VPS13B: variants seen among roughly 807,000 people sequenced by gnomAD.
The protein encoded by VPS13B is intermembrane lipid transfer protein VPS13B.
Under a neutral mutation model 426.4 loss-of-function variants are expected in VPS13B, and 285 were observed. The observed-to-expected ratio is 0.67, with a 90% CI of 0.61 to 0.74. The LOEUF (loss-of-function observed/expected upper bound fraction) is 0.74. Among genes scored for constraint, VPS13B ranks in the 30% least tolerant of loss-of-function variants. The probability of loss-of-function intolerance (pLI) is 0.00; values close to 1 mark genes in which losing one functional copy is unlikely to be tolerated. For synonymous variants in VPS13B, 1,676 were observed against 1,676.4 expected (o/e 1.00, Z 0.01); for missense variants, 4,537 against 4,782.6 (o/e 0.95, Z 1.51).
chr8:99,430,709 C>G (rs996311941), intron 21 of VPS13B, among the ~76,000 whole-genome samples: 1 of 151,326 alleles, frequency 6.6e-6, no homozygotes, highest in Admixed American at 6.6e-5. Flanking sequence ...TCCACCCCCC[C>G]CCCAACTTTT....
At chr8:99,806,139 T>C (rs1253750665) in intron 43 of VPS13B, among the ~76,000 whole-genome samples, 5 of 152,232 alleles carry the variant, frequency 3.3e-5, no homozygotes, top group African/African-American at 9.7e-5. Flanking sequence ...AGGGAAGATA[T>C]CAGTGACTAT....
intron 39 of VPS13B, among the ~76,000 whole-genome samples, chr8:99,750,571 G>A (rs1810341512): frequency 6.6e-6 from 1 of 152,096 alleles, no homozygotes; most frequent in African/African-American, 2.4e-5. Flanking sequence ...ACGTGAGCAG[G>A]CTGAAGAGCA....
At chr8:99,284,357 T>A (rs1049939124) in intron 19 of VPS13B, among the ~76,000 whole-genome samples, 12 of 152,176 alleles carry the variant, frequency 7.9e-5, no homozygotes, top group Non-Finnish European at 1.3e-4. Flanking sequence ...ATCTAACAAG[T>A]ATTTATTGCC....
chr8:99,467,637 T>C lies in VPS13B; in HGVS notation c.3666+3T>C. 6.2e-7 allele frequency: 1 copy of C among 1,613,068 alleles called. No homozygotes were observed. The highest frequency in any genetic ancestry group is 8.5e-7 in the Non-Finnish European group (1 of 1,179,220). ...AGATAAAATGCTCTAATCCCCAGGT[T>C]GGTACATTTGATTTATGAAAGGAAA... On this transcript the variant is annotated splice_donor_region_variant and intron_variant, in intron 24 of 61. Transcript: ENST00000357162.
chr8:99,343,230 A>C (rs541914683), intron 19 of VPS13B, among the ~76,000 whole-genome samples: 3 of 151,960 alleles, frequency 2.0e-5, no homozygotes, highest in African/African-American at 7.2e-5. Flanking sequence ...AGTAGCTGGC[A>C]CTACAGGCAC....
rs1816500220 is a variant in VPS13B, at chr8:99,233,970, G to A, written c.2516-40228G>A. ...TTCTCTTTTCTATGGATGTCTACCC[G>A]GGACTGGGTCTGCTCAGTGATGTTC... On this transcript the variant is annotated intron_variant, in intron 17 of 61. Coordinates refer to ENST00000357162, the MANE Select transcript of VPS13B (RefSeq NM_152564.5). The A allele has an allele frequency of 1.8e-5, 14 of 784,048 alleles. 1 individual carries two copies. The highest frequency in any genetic ancestry group is 1.7e-4 in the South Asian group (13 of 74,290). The allele number at this position is 784,048 out of a possible 1,614,324, so 48.6% of individuals were successfully genotyped here.
intron 31 of VPS13B, among the ~76,000 whole-genome samples, chr8:99,571,762 GTC>G (rs1382271467): frequency 5.3e-5 from 8 of 152,238 alleles, no homozygotes; most frequent in African/African-American, 1.9e-4. Flanking sequence ...TAATTATGAT[GTC>G]TCTCAGGATC....
At chr8:99,836,032 A>T (rs1291223465) in intron 54 of VPS13B, among the ~76,000 whole-genome samples, 1 of 152,226 alleles carries the variant, frequency 6.6e-6, no homozygotes, top group Non-Finnish European at 1.5e-5. Context: ...GCTTATTTAG[A>T]TAGAACATAG....
intron 17 of VPS13B, among the ~76,000 whole-genome samples, chr8:99,266,897 G>C (rs1309885728): frequency 6.6e-6 from 1 of 152,080 alleles, no homozygotes; most frequent in Non-Finnish European, 1.5e-5. Flanking sequence ...ACCCAGTCTT[G>C]GGTATTTCTT....
chr8:99,846,686 C>T (rs190324530), intron 54 of VPS13B, among the ~76,000 whole-genome samples: 136 of 152,208 alleles, frequency 8.9e-4, no homozygotes, highest in South Asian at 2.7e-3. Context: ...AGGTTTTTTG[C>T]CAGAAGAAGT....
At chr8:99,310,377 G>T (rs1011431943) in intron 19 of VPS13B, among the ~76,000 whole-genome samples, 1 of 152,126 alleles carries the variant, frequency 6.6e-6, no homozygotes, top group South Asian at 2.1e-4. Flanking sequence ...AATTTACTGA[G>T]AATTTTTTTT....
intron 35 of VPS13B, among the ~76,000 whole-genome samples, chr8:99,685,416 G>A (rs936367362): frequency 6.6e-6 from 1 of 152,170 alleles, no homozygotes; most frequent in Admixed American, 6.6e-5. Context: ...TAATCTGGGG[G>A]CTCCTGGAAA....
chr8:99,755,172 C>G (rs530753245), intron 39 of VPS13B, among the ~76,000 whole-genome samples: 5 of 152,186 alleles, frequency 3.3e-5, no homozygotes, highest in Admixed American at 3.3e-4. Flanking sequence ...GTACTCTCAC[C>G]TCTGTCTGTC....
rs1815133710 is a variant in VPS13B, at chr8:99,212,250, G to T, written c.2515+19193G>T. 2.0e-5 allele frequency among the ~76,000 whole-genome samples: 3 copies of T among 152,172 alleles called. No individual in the cohort carries two copies. In the South Asian group the frequency reaches 6.2e-4, roughly 31 times the overall value. On this transcript the variant is annotated intron_variant, in intron 17 of 61. Coordinates refer to ENST00000357162, the MANE Select transcript of VPS13B (RefSeq NM_152564.5). ...AAATTTCAGGCACGGGCTGTGACTG[G>T]CTTTAGCCAATCGAAACATTCCCTT...
chr8:99,271,979 C>T (rs1023187803), intron 17 of VPS13B, among the ~76,000 whole-genome samples: 4 of 152,088 alleles, frequency 2.6e-5, no homozygotes, highest in Non-Finnish European at 4.4e-5. Flanking sequence ...ATTCTCTAAC[C>T]ATTTGCAAAT....
chr8:99,639,809 A>G (rs987351621), intron 33 of VPS13B, among the ~76,000 whole-genome samples: 1 of 149,044 alleles, frequency 6.7e-6, no homozygotes, highest in Non-Finnish European at 1.5e-5. Context: ...CATTTCTACA[A>G]AAAATGTAAA....
At chr8:99,262,024 G>T (rs114262564) in intron 17 of VPS13B, among the ~76,000 whole-genome samples, 1,952 of 152,258 alleles carry the variant, frequency 0.013, 40 homozygotes, top group African/African-American at 0.043. Flanking sequence ...GTCAGTAAAT[G>T]CTTGTTGACT....
intron 17 of VPS13B, among the ~76,000 whole-genome samples, chr8:99,232,047 C>T (rs1251918007): frequency 2.0e-5 from 3 of 151,982 alleles, no homozygotes; most frequent in Admixed American, 6.6e-5. Flanking sequence ...TTGAGGCTGA[C>T]GTGTGTGTTT....
At chr8:99,676,752 G>A (rs1275787405) in intron 35 of VPS13B, among the ~76,000 whole-genome samples, 2 of 151,990 alleles carry the variant, frequency 1.3e-5, no homozygotes, top group Non-Finnish European at 2.9e-5. Context: ...GATCGCTGAA[G>A]AGTCCTATTC....
Sources: allele counts gnomAD v4.1 joint callset (sites outside exome capture counted in the v4.1 genomes callset), GRCh38; gene constraint gnomAD v4.1.1; transcripts MANE v1.5; gene names NCBI Gene and HGNC (gene_info 2026-07-23, HGNC 2026-07-21).